Variants in PRKCE observed in about 807,000 individuals in gnomAD.
The protein encoded by PRKCE is protein kinase C epsilon type.
Under a neutral mutation model 85.4 loss-of-function variants are expected in PRKCE, and 16 were observed. The observed-to-expected ratio is 0.19, with a 90% CI of 0.13 to 0.28. The LOEUF (loss-of-function observed/expected upper bound fraction) is 0.28. PRKCE is among the 10% of genes least tolerant of loss of function. The pLI, the probability that PRKCE is intolerant of heterozygous loss-of-function variation, is 1.00. For synonymous variants in PRKCE, 388 were observed against 371.5 expected (o/e 1.04, Z -0.51); for missense variants, 573 against 975.2 (o/e 0.59, Z 5.49).
At chr2:45,992,265 C>A (rs1574145458) in intron 6 of PRKCE, among the ~76,000 whole-genome samples, 1 of 152,126 alleles carries the variant, frequency 6.6e-6, no homozygotes, top group Non-Finnish European at 1.5e-5. Flanking sequence ...GTACACGTGG[C>A]AGATTGGCTG....
rs1201502716 is a variant in PRKCE at position 45,831,468 on chromosome 2, TG to T, written c.349-11530del. ...GCACTAATGTCCTCTGGGTACAATG[TG>T]GAGGGTCAAGGGATATATTCTCTAC... On this transcript the variant is annotated intron_variant, in intron 1 of 14. Coordinates refer to ENST00000306156, the MANE Select transcript of PRKCE (RefSeq NM_005400.3). Among the ~76,000 whole-genome samples, 26 of 152,304 alleles carry T rather than the reference TG, an allele frequency of 1.7e-4. 1 individual carries two copies. The highest frequency in any genetic ancestry group is 1.6e-3 in the Admixed American group (24 of 15,300).
intron 11 of PRKCE, among the ~76,000 whole-genome samples, chr2:46,128,122 G>T (rs1674047096): frequency 6.6e-6 from 1 of 152,130 alleles, no homozygotes; most frequent in Non-Finnish European, 1.5e-5. Context: ...TTATTCCAAT[G>T]ATATCCTCTT....
chr2:46,180,765 G>A (rs1679900234), intron 14 of PRKCE, among the ~76,000 whole-genome samples: 1 of 152,216 alleles, frequency 6.6e-6, no homozygotes, highest in African/African-American at 2.4e-5. Context: ...TAGTGTGCCT[G>A]TTACCACCCC....
At chr2:45,958,620 C>T (rs1433231534) in intron 2 of PRKCE, among the ~76,000 whole-genome samples, 2 of 149,926 alleles carry the variant, frequency 1.3e-5, no homozygotes, top group Non-Finnish European at 3.0e-5. Flanking sequence ...TCTCACACAC[C>T]CCCTATGCTC....
chr2:45,709,068 A>T (rs572038000), intron 1 of PRKCE, among the ~76,000 whole-genome samples: 11 of 152,352 alleles, frequency 7.2e-5, no homozygotes, highest in African/African-American at 2.6e-4. Context: ...TTCAGTCTGG[A>T]TGAGACAAGT....
chr2:45,766,794 C>T (rs995617907), intron 1 of PRKCE, among the ~76,000 whole-genome samples: 2 of 152,180 alleles, frequency 1.3e-5, no homozygotes, highest in African/African-American at 2.4e-5. Context: ...AATCCTAGCA[C>T]TTTGGGAGGC....
intron 2 of PRKCE, among the ~76,000 whole-genome samples, chr2:45,883,395 C>T (rs1235488259): frequency 6.6e-6 from 1 of 152,240 alleles, no homozygotes; most frequent in Non-Finnish European, 1.5e-5. Flanking sequence ...ATTATAGCCC[C>T]TGCTGCTGGC....
At chr2:45,940,522 G>A (rs1699796486) in intron 2 of PRKCE, among the ~76,000 whole-genome samples, 1 of 152,210 alleles carries the variant, frequency 6.6e-6, no homozygotes, top group Non-Finnish European at 1.5e-5. Context: ...GCCCAAGTCA[G>A]TCAAAGAAAT....
chr2:46,002,222 G>C (rs1704748482), intron 7 of PRKCE, among the ~76,000 whole-genome samples: 1 of 152,198 alleles, frequency 6.6e-6, no homozygotes, highest in Non-Finnish European at 1.5e-5. Context: ...TTTAGCCCTG[G>C]CTCCTAGCCT....
At chr2:46,154,832 C>T (rs1240448589) in intron 13 of PRKCE, among the ~76,000 whole-genome samples, 1 of 151,872 alleles carries the variant, frequency 6.6e-6, no homozygotes, top group East Asian at 1.9e-4. Flanking sequence ...ACTTTCTAAC[C>T]CACTATATAT....
intron 2 of PRKCE, among the ~76,000 whole-genome samples, chr2:45,958,499 ACT>A (rs1234196772): frequency 1.7e-4 from 24 of 141,730 alleles, no homozygotes; most frequent in Middle Eastern, 7.4e-3. Context: ...ACAGAGGGAG[ACT>A]CTGTCTCAAA....
chr2:45,676,475 T>C (rs1327476343), intron 1 of PRKCE, among the ~76,000 whole-genome samples: 1 of 152,256 alleles, frequency 6.6e-6, no homozygotes, highest in Non-Finnish European at 1.5e-5. Flanking sequence ...ATAAGGATTA[T>C]ATTTTTGCAT....
chr2:45,832,855 G>C (rs1323978224), intron 1 of PRKCE, among the ~76,000 whole-genome samples: 1 of 152,124 alleles, frequency 6.6e-6, no homozygotes, highest in African/African-American at 2.4e-5. Context: ...CCCATCAAAT[G>C]GTTAAGAACA....
chr2:45,993,524 C>T (rs1380846134), intron 6 of PRKCE, among the ~76,000 whole-genome samples: 1 of 152,134 alleles, frequency 6.6e-6, no homozygotes, highest in African/African-American at 2.4e-5. Flanking sequence ...AAAAAAGATA[C>T]CCCCTTTGCC....
intron 1 of PRKCE, among the ~76,000 whole-genome samples, chr2:45,693,498 A>G (rs145591491): frequency 6.6e-6 from 1 of 152,156 alleles, no homozygotes; most frequent in African/African-American, 2.4e-5. Flanking sequence ...GCCCCGAGGC[A>G]TGGGTAGGAG....
rs942057554 is a variant in PRKCE at position 45,774,438 on chromosome 2, G to C, written c.349-68562G>C. Among the ~76,000 whole-genome samples, 2 of 152,206 alleles carry C rather than the reference G, an allele frequency of 1.3e-5. No homozygotes were observed. Among genetic ancestry groups the C allele is most frequent in the Admixed American group, 1.3e-4 (2 of 15,288 alleles). On this transcript the variant is annotated intron_variant, in intron 1 of 14. Coordinates refer to ENST00000306156, the MANE Select transcript of PRKCE (RefSeq NM_005400.3). The surrounding 1 kb of genome is among the most constrained non-coding windows in gnomAD (Gnocchi z 4.3). ...GCCTGTACAGGCAAACTCAGCATCA[G>C]CACGGCTTTAGAGACCGAGTGCCCG... is the stretch of plus-strand genomic sequence containing the variant.
chr2:45,656,645 T>G (rs1278963130), intron 1 of PRKCE, among the ~76,000 whole-genome samples: 1 of 152,218 alleles, frequency 6.6e-6, no homozygotes, highest in African/African-American at 2.4e-5. Flanking sequence ...TATATAGATT[T>G]ATATAGATCC....
rs1286177937 is a variant in PRKCE at position 46,007,369 on chromosome 2, A to G, written c.1064-93A>G. On this transcript the variant is annotated intron_variant, in intron 8 of 14. Coordinates refer to ENST00000306156, the MANE Select transcript of PRKCE (RefSeq NM_005400.3). The stretch of plus-strand genomic sequence containing the variant: ...TTGTGAAGAACCAGAAAGAGGACTG[A>G]GAGCTTACAGGGGAAAGTCTGAGTG... 3.9e-6 allele frequency: 5 copies of G among 1,272,596 alleles called. No individual in the cohort carries two copies. The East Asian group carries it at 1.2e-4, about 30-fold the overall frequency. The allele number at this position is 1,272,596 out of a possible 1,614,324, so 78.8% of individuals were successfully genotyped here.
In PRKCE at chr2:46,155,213, A is replaced by C. The variant is rs940610155; in HGVS notation, c.1920+3984A>C. Among the ~76,000 whole-genome samples the C allele has an allele frequency of 6.6e-6, 1 of 152,184 alleles. No homozygotes were observed. The highest frequency in any genetic ancestry group is 1.5e-5 in the Non-Finnish European group (1 of 68,040). On this transcript the variant is annotated intron_variant, in intron 13 of 14. Transcript: ENST00000306156. The surrounding 1 kb of genome is among the most constrained non-coding windows in gnomAD (Gnocchi z 4.7). ...TCCAGATTTTTATGTAAAAATCTCG[A>C]AACATTAAATGATTATAACTAGTTC...
Sources: allele counts gnomAD v4.1 joint callset (sites outside exome capture counted in the v4.1 genomes callset), GRCh38; gene constraint gnomAD v4.1.1; non-coding constraint Gnocchi (gnomAD v3.1); transcripts MANE v1.5; gene names NCBI Gene and HGNC (gene_info 2026-07-23, HGNC 2026-07-21).